Variants in TENM3 observed in about 807,000 individuals in gnomAD.
TENM3 encodes the protein teneurin transmembrane protein 3.
A neutral mutation model predicts 255.1 loss-of-function variants in TENM3; 63 were observed. The ratio of observed to expected loss-of-function variants is 0.25; its 90% CI spans 0.20 to 0.30. The LOEUF is 0.30. Ranked by LOEUF, TENM3 falls within the 10% of genes least tolerant of loss-of-function variation. TENM3 has a pLI of 1.00. For synonymous variants in TENM3, 1,306 were observed against 1,322.3 expected (o/e 0.99, Z 0.27); for missense variants, 2,929 against 3,461.1 (o/e 0.85, Z 3.86).
the TENM3 span, among the ~76,000 whole-genome samples, chr4:181,541,824 A>G: frequency 7.9e-5 from 12 of 152,164 alleles, no homozygotes; most frequent in Middle Eastern, 3.2e-3. Flanking sequence ...AGATAATTTT[A>G]CTCTAAGAAA....
At chr4:181,800,266 C>T in the TENM3 span, among the ~76,000 whole-genome samples, 2 of 152,150 alleles carry the variant, frequency 1.3e-5, no homozygotes, top group Admixed American at 1.3e-4. Context: ...ATGGCCAAAA[C>T]TATTCCGAAA....
At chr4:182,006,899 C>T in the TENM3 span, among the ~76,000 whole-genome samples, 1 of 152,124 alleles carries the variant, frequency 6.6e-6, no homozygotes, top group Non-Finnish European at 1.5e-5. Context: ...ACTGCTTTAG[C>T]TGTGTCCCAG....
chr4:182,590,938 A>G (rs1746583502), intron 3 of TENM3, among the ~76,000 whole-genome samples: 1 of 152,076 alleles, frequency 6.6e-6, no homozygotes, highest in Non-Finnish European at 1.5e-5. Flanking sequence ...GCTTACCTGC[A>G]CTTTACGTTT....
the TENM3 span, among the ~76,000 whole-genome samples, chr4:181,774,014 T>TG: frequency 7.1e-6 from 1 of 141,572 alleles, no homozygotes; most frequent in East Asian, 2.0e-4. Context: ...TTTTTTTTTT[T>TG]TTTTTTTTTT....
chr4:182,438,753 A>G (rs1345928818), intron 3 of TENM3, among the ~76,000 whole-genome samples: 1 of 152,248 alleles, frequency 6.6e-6, no homozygotes, highest in Non-Finnish European at 1.5e-5. Flanking sequence ...AAGGTGACAT[A>G]GTGATATATT....
intron 1 of TENM3, among the ~76,000 whole-genome samples, chr4:182,209,420 G>A (rs1164494502): frequency 6.6e-6 from 1 of 151,838 alleles, no homozygotes; most frequent in African/African-American, 2.4e-5. Context: ...TAGAGCTCCC[G>A]TCCCCACCAC....
chr4:182,790,349 C>G (rs72997196), intron 25 of TENM3, among the ~76,000 whole-genome samples: 1 of 152,148 alleles, frequency 6.6e-6, no homozygotes, highest in Non-Finnish European at 1.5e-5. Flanking sequence ...AAAGAAATCA[C>G]ATCACATCCA....
At chr4:181,574,312 A>G in the TENM3 span, among the ~76,000 whole-genome samples, 3 of 151,776 alleles carry the variant, frequency 2.0e-5, no homozygotes, top group Non-Finnish European at 4.4e-5. Context: ...CGGGTGGATC[A>G]TGAGGTCAGG....
chr4:181,501,967 T>C, the TENM3 span, among the ~76,000 whole-genome samples: 101 of 152,188 alleles, frequency 6.6e-4, no homozygotes, highest in African/African-American at 2.2e-3. Context: ...CCCAGGACAC[T>C]CACAAGCATT....
intron 3 of TENM3, among the ~76,000 whole-genome samples, chr4:182,360,646 A>G (rs1323722892): frequency 2.6e-5 from 4 of 152,082 alleles, no homozygotes; most frequent in Non-Finnish European, 5.9e-5. Flanking sequence ...CCTGAATACA[A>G]CACACTGATG....
the TENM3 span, among the ~76,000 whole-genome samples, chr4:182,077,012 G>T: frequency 6.6e-6 from 1 of 152,150 alleles, no homozygotes; most frequent in South Asian, 2.1e-4. Flanking sequence ...AATTCAACTT[G>T]ATTTCTTCCA....
At chr4:182,218,042 T>C (rs1755612221) in intron 1 of TENM3, among the ~76,000 whole-genome samples, 1 of 152,218 alleles carries the variant, frequency 6.6e-6, no homozygotes, top group Admixed American at 6.5e-5. Context: ...TTCTATATGT[T>C]AGGCAACGTT....
intron 3 of TENM3, among the ~76,000 whole-genome samples, chr4:182,594,380 T>G (rs1230726893): frequency 6.6e-6 from 1 of 151,946 alleles, no homozygotes; most frequent in Non-Finnish European, 1.5e-5. Flanking sequence ...ATTTAAAAAT[T>G]AGCTGGGCAT....
the TENM3 span, among the ~76,000 whole-genome samples, chr4:181,464,601 T>C: frequency 2.0e-5 from 3 of 152,200 alleles, no homozygotes; most frequent in Non-Finnish European, 4.4e-5. Context: ...TCTGTGGGTT[T>C]TCTTTTCATT....
chr4:181,691,447 A>G, the TENM3 span, among the ~76,000 whole-genome samples: 1 of 152,106 alleles, frequency 6.6e-6, no homozygotes, highest in African/African-American at 2.4e-5. Flanking sequence ...AGCCTAGAGG[A>G]TGTAGAAAGT....
At chr4:181,715,504 G>GA in the TENM3 span, among the ~76,000 whole-genome samples, 1 of 152,058 alleles carries the variant, frequency 6.6e-6, no homozygotes, top group Non-Finnish European at 1.5e-5. Flanking sequence ...TACTTTTATG[G>GA]AAAAAATCCA....
chr4:181,729,182 A>C, the TENM3 span, among the ~76,000 whole-genome samples: 1 of 152,156 alleles, frequency 6.6e-6, no homozygotes, highest in African/African-American at 2.4e-5. Context: ...TTTTGCATTT[A>C]AAAAAATATG....
chr4:182,184,995 A>G (rs1753058176), intron 1 of TENM3, among the ~76,000 whole-genome samples: 1 of 152,048 alleles, frequency 6.6e-6, no homozygotes, highest in Admixed American at 6.6e-5. Context: ...AGGCAGGAGA[A>G]TTGCTTGAAC....
At chr4:182,214,002 T>A (rs11132118) in intron 1 of TENM3, among the ~76,000 whole-genome samples, 150 of 152,006 alleles carry the variant, frequency 9.9e-4, no homozygotes, top group African/African-American at 3.5e-3. Flanking sequence ...GGGGTTTCAC[T>A]TGTGTTAGCC....
Sources: gnomAD v4.1 joint callset for allele counts (sites outside exome capture counted in the v4.1 genomes callset) on GRCh38, gnomAD v4.1.1 for gene constraint, MANE v1.5 for transcripts, NCBI Gene and HGNC (gene_info 2026-07-23, HGNC 2026-07-21) for gene names.